SIK3: variants seen among roughly 807,000 people sequenced by gnomAD.
SIK3 encodes the protein SIK family kinase 3.
Under a neutral mutation model 144.2 loss-of-function variants are expected in SIK3, and 28 were observed. The observed-to-expected ratio is 0.19, with a 90% CI of 0.14 to 0.27. SIK3 has a LOEUF of 0.27. Among genes scored for constraint, SIK3 ranks in the 10% least tolerant of loss-of-function variants. SIK3 has a pLI of 1.00. For missense variants in SIK3, 1,319 were observed against 1,776.0 expected, an observed-to-expected ratio of 0.74 and a Z score of 4.62; for synonymous variants, 686 against 676.3, an observed-to-expected ratio of 1.01 and a Z score of -0.22.
intron 16 of SIK3, 143 bp downstream of exon 16, chr11:116,863,525 G>A (rs763634437): frequency 1.3e-4 from 168 of 1,247,982 alleles, no homozygotes; most frequent in Middle Eastern, 5.6e-4. Flanking sequence ...CACTGCGCCC[G>A]GCCCAGAAAG....
intron 1 of SIK3, among the ~76,000 whole-genome samples, chr11:117,001,787 A>G (rs1591513919): frequency 1.3e-5 from 2 of 152,298 alleles, no homozygotes; most frequent in Middle Eastern, 6.8e-3. Context: ...AATGATTACA[A>G]TAGTCTTCTA....
intron 5 of SIK3, among the ~76,000 whole-genome samples, 163 bp downstream of exon 5, chr11:116,897,026 CAAAA>C (rs5795057): frequency 5.8e-5 from 6 of 102,708 alleles, no homozygotes; most frequent in African/African-American, 1.1e-4. Context: ...GACTCTGTTT[CAAAA>C]AAAAAAAAAA....
chr11:117,010,137 A>G (rs914756377), intron 1 of SIK3, among the ~76,000 whole-genome samples: 1 of 151,920 alleles, frequency 6.6e-6, no homozygotes, highest in African/African-American at 2.4e-5. Context: ...TCTCCCAGAC[A>G]GGCTTCCCCT....
At chr11:116,890,327 G>C (rs1351998722) in intron 6 of SIK3, among the ~76,000 whole-genome samples, 1 of 152,218 alleles carries the variant, frequency 6.6e-6, no homozygotes, top group African/African-American at 2.4e-5. Context: ...CCTGTGACTG[G>C]AGCTCAGAAC....
intron 3 of SIK3, among the ~76,000 whole-genome samples, chr11:116,953,063 C>T (rs1369570878): frequency 6.6e-6 from 1 of 151,840 alleles, no homozygotes; most frequent in African/African-American, 2.4e-5. Flanking sequence ...CTTTGACACA[C>T]AAAAAAACAC....
At chr11:117,065,078 G>A (rs942404489) in intron 1 of SIK3, among the ~76,000 whole-genome samples, 11 of 151,938 alleles carry the variant, frequency 7.2e-5, no homozygotes, top group African/African-American at 2.7e-4. Context: ...GAACCCAGCA[G>A]GCAGAGGTTG....
rs748540699 is a variant in SIK3 at position 116,858,388 on chromosome 11, G to A, written c.3077C>T (p.Ser1026Leu). The A allele has an allele frequency of 8.1e-6, 13 of 1,613,388 alleles. No homozygotes were observed. Among genetic ancestry groups the A allele is most frequent in the Admixed American group, 3.3e-5 (2 of 59,912 alleles). Residue 1026 changes from serine (S) to leucine (L), a missense_variant, in exon 21 of 25, where the codon TCG becomes TTG. Physicochemically the swap from Ser to Leu is moderately radical, Grantham distance 145. Around this residue, in one of 8 missense-constraint regions of SIK3, gnomAD observed 646 missense variants for 763.7 expected, o/e 0.85. Coordinates refer to ENST00000445177, the MANE Select transcript of SIK3 (RefSeq NM_001366686.3). The surrounding 1 kb of genome is among the most constrained non-coding windows in gnomAD (Gnocchi z 5.4). ...ILQGLLSPRH[S>L]LTGHSDIRLP... The stretch of plus-strand genomic sequence containing the variant: ...CCGGATGTCCGAGTGGCCGGTGAGC[G>A]AATGCCGGGGAGAAAGCAGTCCTTG...
chr11:116,913,703 C>T (rs1946459799), intron 4 of SIK3, among the ~76,000 whole-genome samples: 1 of 152,120 alleles, frequency 6.6e-6, no homozygotes, highest in Non-Finnish European at 1.5e-5. Flanking sequence ...ATCATTTAAT[C>T]AGGTAAGTTT....
At chr11:116,874,775 C>A (rs145125484) in intron 11 of SIK3, among the ~76,000 whole-genome samples, 1 of 152,168 alleles carries the variant, frequency 6.6e-6, no homozygotes, top group African/African-American at 2.4e-5. Flanking sequence ...CTTCCCACAA[C>A]CTTCTCTTCC....
intron 1 of SIK3, among the ~76,000 whole-genome samples, chr11:117,066,072 TC>T (rs1008887542): frequency 2.7e-5 from 4 of 146,298 alleles, no homozygotes; most frequent in African/African-American, 1.0e-4. Context: ...TTTCTTTTCT[TC>T]TTTTTTTTTT....
Position 116,846,643 on chromosome 11 carries a change from T to C in SIK3, c.3953-90A>G, listed in dbSNP as rs1039485136. 10 of 1,461,416 alleles carry C rather than the reference T, an allele frequency of 6.8e-6. No individual in the cohort carries two copies. The Admixed American group carries it at 1.8e-4, about 27-fold the overall frequency. The allele number at this position is 1,461,416 out of a possible 1,614,324, so 90.5% of individuals were successfully genotyped here. On this transcript the variant is annotated intron_variant, in intron 23 of 24. Coordinates refer to ENST00000445177, the MANE Select transcript of SIK3 (RefSeq NM_001366686.3). This position sits in a 1 kb window ranked among gnomAD's most constrained non-coding sequence, Gnocchi z 4.1. The stretch of plus-strand genomic sequence containing the variant: ...GAGAGAGGAGGAATTGAAGGCAACC[T>C]GTCGAGCATCCCACAGCCTGACTCC...
At chr11:117,086,888 A>C (rs1166505499) in intron 1 of SIK3, among the ~76,000 whole-genome samples, 2 of 146,260 alleles carry the variant, frequency 1.4e-5, no homozygotes, top group Non-Finnish European at 3.0e-5. Flanking sequence ...CTAGCTACTG[A>C]GGAGGCTGAG....
chr11:117,066,753 C>T (rs1303619164), intron 1 of SIK3, among the ~76,000 whole-genome samples: 2 of 152,048 alleles, frequency 1.3e-5, no homozygotes, highest in Non-Finnish European at 2.9e-5. Context: ...AGGGTGGTCT[C>T]GAACTCCTGG....
At chr11:117,075,911 C>T (rs1455300873) in intron 1 of SIK3, among the ~76,000 whole-genome samples, 2 of 137,910 alleles carry the variant, frequency 1.5e-5, no homozygotes, top group Non-Finnish European at 3.0e-5. Context: ...GTGCAATGCA[C>T]GATCTCGGCT....
intron 3 of SIK3, among the ~76,000 whole-genome samples, chr11:116,946,347 G>A (rs961986554): frequency 2.0e-5 from 3 of 151,606 alleles, no homozygotes; most frequent in African/African-American, 2.4e-5. Context: ...CCCTCTGTCA[G>A]AGACAAAAGA....
intron 1 of SIK3, among the ~76,000 whole-genome samples, chr11:117,024,272 T>G (rs186771235): frequency 4.7e-4 from 67 of 143,276 alleles, no homozygotes; most frequent in African/African-American, 1.5e-3. Context: ...TCAGCTAACC[T>G]CAAAGGCGGA....
chr11:117,013,967 C>CTTTTTTTTTTTTTTTTTTTTT (rs1951406146), intron 1 of SIK3, among the ~76,000 whole-genome samples: 5 of 7,370 alleles, frequency 6.8e-4, no homozygotes, highest in Non-Finnish European at 1.3e-3. Context: ...TTCTTTTTTT[C>CTTTTTTTTTTTTTTTTTTTTT]TTTTCTTTTT....
chr11:117,078,569 T>C (rs1954654278), intron 1 of SIK3, among the ~76,000 whole-genome samples: 1 of 151,662 alleles, frequency 6.6e-6, no homozygotes. Context: ...CCCAGCTAAT[T>C]TTTTTGTATT....
intron 3 of SIK3, among the ~76,000 whole-genome samples, chr11:116,948,433 A>C (rs1014572151): frequency 1.2e-4 from 18 of 152,032 alleles, no homozygotes; most frequent in Non-Finnish European, 4.4e-5. Flanking sequence ...TCATGCTACC[A>C]CATCCGGCTA....
Sources: gnomAD v4.1 joint callset for allele counts (sites outside exome capture counted in the v4.1 genomes callset) on GRCh38, gnomAD v4.1.1 for gene constraint, gnomAD v4.1.1 regional missense constraint, Gnocchi (gnomAD v3.1) non-coding constraint, MANE v1.5 for transcripts, NCBI Gene and HGNC (gene_info 2026-07-23, HGNC 2026-07-21) for gene names.